The following HPSE2 variants were observed in gnomAD, a reference collection of about 807,000 sequenced individuals.
The protein encoded by HPSE2 is heparanase 2 (inactive), also known as inactive heparanase-2.
A neutral mutation model predicts 60.5 loss-of-function variants in HPSE2; 38 were observed. That is an observed-to-expected ratio of 0.63 (90% CI 0.48 to 0.82). HPSE2 has a LOEUF of 0.82. Among genes scored for constraint, HPSE2 ranks in the 40% least tolerant of loss-of-function variants. The probability of loss-of-function intolerance (pLI) is 0.00; values close to 1 mark genes in which losing one functional copy is unlikely to be tolerated. For synonymous variants in HPSE2, 295 were observed against 293.2 expected (o/e 1.01, Z -0.06); for missense variants, 713 against 740.4 (o/e 0.96, Z 0.43).
chr10:98,510,202 T>G (rs1942344247), intron 9 of HPSE2, among the ~76,000 whole-genome samples: 1 of 152,188 alleles, frequency 6.6e-6, no homozygotes, highest in Non-Finnish European at 1.5e-5. Flanking sequence ...CACTCACTAT[T>G]TCTCAGGCTT....
intron 3 of HPSE2, among the ~76,000 whole-genome samples, chr10:99,128,241 T>A (rs1374418262): frequency 6.6e-6 from 1 of 152,166 alleles, no homozygotes; most frequent in East Asian, 1.9e-4. Flanking sequence ...GAATGTAAGT[T>A]AGTTCAACCA....
At chr10:99,065,724 G>A (rs1426177256) in intron 3 of HPSE2, among the ~76,000 whole-genome samples, 1 of 152,122 alleles carries the variant, frequency 6.6e-6, no homozygotes, top group Non-Finnish European at 1.5e-5. Context: ...GAGTGAGTAG[G>A]CATTAACCAG....
At chr10:99,174,894 G>C (rs1847461516) in intron 2 of HPSE2, among the ~76,000 whole-genome samples, 1 of 152,228 alleles carries the variant, frequency 6.6e-6, no homozygotes, top group South Asian at 2.1e-4. Context: ...GGTGATTTCT[G>C]CATTTCCAAC....
chr10:99,129,356 A>C (rs543944756), intron 3 of HPSE2, among the ~76,000 whole-genome samples: 1 of 152,332 alleles, frequency 6.6e-6, no homozygotes, highest in Admixed American at 6.5e-5. Flanking sequence ...AGCACATAGA[A>C]TATGCACCAA....
intron 3 of HPSE2, among the ~76,000 whole-genome samples, chr10:98,756,614 G>A (rs1949884231): frequency 6.6e-6 from 1 of 151,964 alleles, no homozygotes; most frequent in Non-Finnish European, 1.5e-5. Flanking sequence ...TGTCATGACT[G>A]AACAAGGAAT....
intron 6 of HPSE2, among the ~76,000 whole-genome samples, chr10:98,661,500 T>C (rs994476332): frequency 6.6e-6 from 1 of 152,252 alleles, no homozygotes; most frequent in African/African-American, 2.4e-5. Context: ...GTTTCTTTTA[T>C]ATAAGTGACT....
intron 3 of HPSE2, among the ~76,000 whole-genome samples, chr10:98,986,652 C>A (rs1316690867): frequency 7.6e-6 from 1 of 131,370 alleles, no homozygotes; most frequent in Admixed American, 7.9e-5. Context: ...CAGAGCAGAA[C>A]TGAAGGAAAT....
At chr10:98,748,234 G>A (rs1008822301) in intron 3 of HPSE2, among the ~76,000 whole-genome samples, 5 of 152,152 alleles carry the variant, frequency 3.3e-5, no homozygotes, top group African/African-American at 1.2e-4. Flanking sequence ...GAACCTGGGA[G>A]GTGGAGATTG....
intron 3 of HPSE2, among the ~76,000 whole-genome samples, chr10:98,950,432 T>C (rs1244176955): frequency 6.6e-6 from 1 of 152,172 alleles, no homozygotes; most frequent in African/African-American, 2.4e-5. Context: ...ACAATCCAAG[T>C]GTTAGAGTCA....
chr10:98,749,684 T>G (rs1201304608), intron 3 of HPSE2, among the ~76,000 whole-genome samples: 4 of 150,870 alleles, frequency 2.7e-5, no homozygotes, highest in Non-Finnish European at 5.9e-5. Context: ...ACTTGAAATA[T>G]TCAATACTTT....
chr10:98,599,480 G>A (rs945754625), intron 9 of HPSE2, among the ~76,000 whole-genome samples: 3 of 152,204 alleles, frequency 2.0e-5, no homozygotes, highest in Admixed American at 6.5e-5. Context: ...GGGCTGTGAC[G>A]TCTTGACTGG....
rs773963844 is a variant in HPSE2, at chr10:99,144,377, G to A, written c.471C>T (p.Ala157=). ...YEDDIVRSDV[A]LDKQKGCKIA... is the part of the protein sequence containing the mutation. ...TCTTGCAGCCTTTCTGTTTATCTAA[G>A]GCAACATCACTTCGAACAATGTCTA... The change falls in exon 3 of 12, where the codon GCC becomes GCT. Residue 157 remains alanine, a synonymous_variant. Transcript: ENST00000370552. 1.8e-5 allele frequency: 29 copies of A among 1,613,722 alleles called. No homozygotes were observed. Among genetic ancestry groups the A allele is most frequent in the Non-Finnish European group, 2.4e-5 (28 of 1,179,944 alleles).
rs552914704 is a variant in HPSE2, at chr10:98,458,563, C to T, written c.*1011G>A. On this transcript the variant is annotated 3_prime_UTR_variant, in exon 12 of 12. Coordinates refer to ENST00000370552, the MANE Select transcript of HPSE2 (RefSeq NM_021828.5). ...ATTCAGTTGTGTCTTCCAGTGATGACCTTGATTCACACTTTTTTCTTCTTT... is the reference window on the plus strand; with the variant it reads ...ATTCAGTTGTGTCTTCCAGTGATGATCTTGATTCACACTTTTTTCTTCTTT... 2.0e-5 allele frequency: 3 copies of T among 152,262 alleles called. No homozygotes were observed. Among genetic ancestry groups the T allele is most frequent in the South Asian group, 4.2e-4 (2 of 4,818 alleles). The allele number at this position is 152,262 out of a possible 1,614,324, so 9.4% of individuals were successfully genotyped here.
chr10:98,965,318 G>C (rs1955785790), intron 3 of HPSE2, among the ~76,000 whole-genome samples: 1 of 152,066 alleles, frequency 6.6e-6, no homozygotes, highest in South Asian at 2.1e-4. Flanking sequence ...TGAGTAAGGA[G>C]ATAAGGAGTT....
intron 3 of HPSE2, among the ~76,000 whole-genome samples, chr10:99,018,253 G>T (rs1450649249): frequency 6.6e-6 from 1 of 152,172 alleles, no homozygotes; most frequent in Non-Finnish European, 1.5e-5. Flanking sequence ...TGATCTTTGT[G>T]GTCTCCTCTA....
At chr10:98,881,280 G>T (rs1953015907) in intron 3 of HPSE2, among the ~76,000 whole-genome samples, 1 of 152,118 alleles carries the variant, frequency 6.6e-6, no homozygotes, top group Non-Finnish European at 1.5e-5. Flanking sequence ...TCCCTTGGTA[G>T]ATCAAGTCCA....
At chr10:99,195,193 C>A (rs1848351765) in intron 2 of HPSE2, among the ~76,000 whole-genome samples, 1 of 152,068 alleles carries the variant, frequency 6.6e-6, no homozygotes, top group African/African-American at 2.4e-5. Flanking sequence ...ATGATAAAAA[C>A]CCTCAAATAA....
intron 3 of HPSE2, among the ~76,000 whole-genome samples, chr10:99,052,912 T>G (rs1277600211): frequency 1.3e-5 from 2 of 151,986 alleles, no homozygotes; most frequent in African/African-American, 4.8e-5. Context: ...GCCAAAGAAG[T>G]TATCTGGTGA....
intron 5 of HPSE2, among the ~76,000 whole-genome samples, chr10:98,719,683 C>CT (rs1206451230): frequency 7.8e-6 from 1 of 127,514 alleles, no homozygotes; most frequent in Admixed American, 8.6e-5. Flanking sequence ...GCAGAAGTGA[C>CT]TTGACCAGAT....
Sources: allele counts gnomAD v4.1 joint callset (sites outside exome capture counted in the v4.1 genomes callset), GRCh38; gene constraint gnomAD v4.1.1; transcripts MANE v1.5; gene names NCBI Gene and HGNC (gene_info 2026-07-23, HGNC 2026-07-21).